INPP5A: variants seen among roughly 807,000 people sequenced by gnomAD.
INPP5A encodes the protein 43 kDa inositol polyphosphate 5-phophatase.
Under a neutral mutation model 65.2 loss-of-function variants are expected in INPP5A, and 14 were observed. That is an observed-to-expected ratio of 0.21 (90% CI 0.14 to 0.34). The LOEUF (loss-of-function observed/expected upper bound fraction) is 0.34, where lower values mean the gene tolerates loss of function less well. Ranked by LOEUF, INPP5A falls within the 10% of genes least tolerant of loss-of-function variation. The probability of loss-of-function intolerance (pLI) is 1.00; values close to 1 mark genes in which losing one functional copy is unlikely to be tolerated. For missense variants in INPP5A, 431 were observed against 545.6 expected (o/e 0.79, Z 2.09); for synonymous variants, 207 against 208.3 (o/e 0.99, Z 0.05).
rs2072575065 is a variant in INPP5A at position 132,651,413 on chromosome 10, C to T, written c.306+908C>T. Reference sequence around the variant, plus strand: ...GTCTCTGGGGAGGCCCTGGGTCCCCCGGCCTGGGTCCATCTCCCCCGTCTC... The same window carrying T: ...GTCTCTGGGGAGGCCCTGGGTCCCCTGGCCTGGGTCCATCTCCCCCGTCTC... On this transcript the variant is annotated intron_variant, in intron 4 of 15. Transcript: ENST00000368594. The surrounding 1 kb of genome is among the most constrained non-coding windows in gnomAD (Gnocchi z 5.0). Among the ~76,000 whole-genome samples, 1 of 142,804 alleles carries T rather than the reference C, an allele frequency of 7.0e-6. No homozygotes were observed. Among genetic ancestry groups the T allele is most frequent in the African/African-American group, 2.6e-5 (1 of 38,032 alleles). The allele number at this position is 142,804 out of a possible 152,430, so 93.7% of individuals were successfully genotyped here.
chr10:132,561,126 G>A lies in INPP5A; in HGVS notation c.75+22955G>A, dbSNP rs139424413. Among the ~76,000 whole-genome samples the A allele has an allele frequency of 5.9e-3, 847 of 144,072 alleles. 2 individuals carry two copies. The highest frequency in any genetic ancestry group is 0.036 in the East Asian group (164 of 4,602). 94.5% of individuals were successfully genotyped at this position (144,072 alleles called of 152,430 possible). On this transcript the variant is annotated intron_variant, in intron 1 of 15. Coordinates refer to ENST00000368594, the MANE Select transcript of INPP5A (RefSeq NM_005539.5). Reference sequence around the variant, plus strand: ...TGGAGTTCATGGAGTTCAGTGGTGTGATCGTGGTTCATTGCAACCTCGACC... The same window carrying A: ...TGGAGTTCATGGAGTTCAGTGGTGTAATCGTGGTTCATTGCAACCTCGACC...
intron 2 of INPP5A, among the ~76,000 whole-genome samples, chr10:132,624,352 C>T (rs1401165712): frequency 2.6e-5 from 4 of 152,226 alleles, no homozygotes; most frequent in Non-Finnish European, 4.4e-5. Context: ...AGTGTGAGCT[C>T]GCTGTTTTGG....
At chr10:132,590,481 G>T (rs1280433175) in intron 1 of INPP5A, among the ~76,000 whole-genome samples, 9 of 152,184 alleles carry the variant, frequency 5.9e-5, no homozygotes, top group Admixed American at 4.6e-4. Flanking sequence ...AGGAGTGTGG[G>T]GGAGACACTG....
chr10:132,707,208 C>T lies in INPP5A; in HGVS notation c.475-1105C>T, dbSNP rs1478622015. On this transcript the variant is annotated intron_variant, in intron 6 of 15. Coordinates refer to ENST00000368594, the MANE Select transcript of INPP5A (RefSeq NM_005539.5). This position sits in a 1 kb window ranked among gnomAD's most constrained non-coding sequence, Gnocchi z 5.5. ...GACAGGGTCTTCCCTGTCCTGCTTT[C>T]CTTCTCTGCCAGCCCATGAGCACCA... is the stretch of plus-strand genomic sequence containing the variant. 6.6e-6 allele frequency among the ~76,000 whole-genome samples: 1 copy of T among 152,242 alleles called. No individual in the cohort carries two copies. The highest frequency in any genetic ancestry group is 2.4e-5 in the African/African-American group (1 of 41,462).
chr10:132,727,226 G>A lies in INPP5A; in HGVS notation c.732+321G>A. 3.8e-6 allele frequency: 1 copy of A among 259,842 alleles called. No individual in the cohort carries two copies. The highest frequency in any genetic ancestry group is 1.1e-4 in the South Asian group (1 of 9,512). 16.1% of individuals were successfully genotyped at this position (259,842 alleles called of 1,614,324 possible). On this transcript the variant is annotated intron_variant, in intron 9 of 15. Coordinates refer to ENST00000368594, the MANE Select transcript of INPP5A (RefSeq NM_005539.5). The surrounding 1 kb of genome is among the most constrained non-coding windows in gnomAD (Gnocchi z 6.5). Reference sequence around the variant, plus strand: ...CAGCGCCACCCCCTCGATGCCCACAGAGCTGCAGCCTCTGCAGAGTGTCAG... The same window carrying A: ...CAGCGCCACCCCCTCGATGCCCACAAAGCTGCAGCCTCTGCAGAGTGTCAG...
chr10:132,586,223 C>T (rs1459277024), intron 1 of INPP5A, among the ~76,000 whole-genome samples: 1 of 152,206 alleles, frequency 6.6e-6, no homozygotes, highest in Non-Finnish European at 1.5e-5. Context: ...GAGAAGCAGA[C>T]TTCGGGCCTT....
At position 132,706,576 on chromosome 10, in the gene INPP5A, C is replaced by T. The variant is rs1163774868; in HGVS notation, c.475-1737C>T. ...GTGCAGGGGAAGAATGCAGTGTGTA[C>T]GGGAAGGGTTGGCTGGCTTCAGCAT... On this transcript the variant is annotated intron_variant, in intron 6 of 15. Transcript: ENST00000368594. This position sits in a 1 kb window ranked among gnomAD's most constrained non-coding sequence, Gnocchi z 4.7. Among the ~76,000 whole-genome samples the T allele has an allele frequency of 1.3e-5, 2 of 152,110 alleles. No individual in the cohort carries two copies. Among genetic ancestry groups the T allele is most frequent in the Admixed American group, 1.3e-4 (2 of 15,274 alleles).
chr10:132,651,163 C>T lies in INPP5A; in HGVS notation c.306+658C>T, dbSNP rs1190888822. 3.3e-5 allele frequency among the ~76,000 whole-genome samples: 5 copies of T among 152,148 alleles called. No individual in the cohort carries two copies. The highest frequency in any genetic ancestry group is 1.3e-4 in the Admixed American group (2 of 15,284). ...TCAGAGGAGGGGACACTCTGCAGGT[C>T]GTGAATAACTTGCTGTTGGTTCAGA... On this transcript the variant is annotated intron_variant, in intron 4 of 15. Coordinates refer to ENST00000368594, the MANE Select transcript of INPP5A (RefSeq NM_005539.5). This position sits in a 1 kb window ranked among gnomAD's most constrained non-coding sequence, Gnocchi z 5.0.
chr10:132,681,483 A>G (rs1178784414), intron 4 of INPP5A, among the ~76,000 whole-genome samples: 1 of 152,158 alleles, frequency 6.6e-6, no homozygotes, highest in Non-Finnish European at 1.5e-5. Context: ...CATCAGAAGG[A>G]ACAAACCCCG....
Position 132,726,762 on chromosome 10 carries a change from G to A in INPP5A, c.648-59G>A, listed in dbSNP as rs377554872. ...GGGAGCGTGGAGGAGCACCGGGGCC[G>A]GGCATGAGGGCTGGCCGGCTTCAGC... On this transcript the variant is annotated intron_variant, in intron 8 of 15. Transcript: ENST00000368594. The A allele has an allele frequency of 2.3e-4, 281 of 1,210,562 alleles. 6 individuals are homozygous for A. In the South Asian group the frequency reaches 2.8e-3, roughly 12 times the overall value. 75.0% of individuals were successfully genotyped at this position (1,210,562 alleles called of 1,614,324 possible).
chr10:132,680,867 C>G (rs1301232931), intron 4 of INPP5A, among the ~76,000 whole-genome samples: 1 of 152,274 alleles, frequency 6.6e-6, no homozygotes, highest in South Asian at 2.1e-4. Context: ...CAATTTCTCG[C>G]TGGGCCTTAG....
chr10:132,681,444 A>G (rs963944666), intron 4 of INPP5A, among the ~76,000 whole-genome samples: 5 of 152,122 alleles, frequency 3.3e-5, no homozygotes, highest in African/African-American at 7.2e-5. Context: ...CGAACCCACC[A>G]GAAGGAAGAA....
chr10:132,749,971 G>A (rs1432595187), intron 11 of INPP5A, 126 bp downstream of exon 11: 1 of 874,590 alleles, frequency 1.1e-6, no homozygotes, highest in Non-Finnish European at 1.9e-6. Context: ...ACTCAGTTCT[G>A]AGCCAGTGCA....
intron 9 of INPP5A, among the ~76,000 whole-genome samples, chr10:132,747,092 G>A (rs2803989): frequency 0.25 from 37,973 of 152,216 alleles, 4,880 homozygotes; most frequent in Non-Finnish European, 0.26. Flanking sequence ...AGACAGAGCC[G>A]TGAATTTCCT....
chr10:132,608,274 GT>G (rs1488421631), intron 2 of INPP5A, among the ~76,000 whole-genome samples: 3 of 152,244 alleles, frequency 2.0e-5, no homozygotes, highest in Admixed American at 6.5e-5. Context: ...AGCATCCCCA[GT>G]GGGGCCGTGG....
At chr10:132,582,607 G>A (rs970093508) in intron 1 of INPP5A, among the ~76,000 whole-genome samples, 12 of 152,224 alleles carry the variant, frequency 7.9e-5, no homozygotes, top group African/African-American at 2.9e-4. Flanking sequence ...TTTTTGTAGA[G>A]ATGGGGTCTC....
intron 1 of INPP5A, among the ~76,000 whole-genome samples, chr10:132,593,529 C>CT (rs2071645439): frequency 6.6e-6 from 1 of 152,196 alleles, no homozygotes; most frequent in Admixed American, 6.5e-5. Flanking sequence ...GGCATGTCTA[C>CT]TTTTTTGTGT....
At chr10:132,668,316 C>T (rs994696667) in intron 4 of INPP5A, among the ~76,000 whole-genome samples, 4 of 152,146 alleles carry the variant, frequency 2.6e-5, no homozygotes, top group Non-Finnish European at 4.4e-5. Flanking sequence ...TCAGTTGAGG[C>T]TTTCTGTTGG....
chr10:132,653,347 G>C lies in INPP5A; in HGVS notation c.306+2842G>C, dbSNP rs999690396. ...CGGCTGCCTCCACACCTGGCTTTCA[G>C]GGTTTTCCAGGTGGGTCCGGAGCGG... On this transcript the variant is annotated intron_variant, in intron 4 of 15. Transcript: ENST00000368594. 1.4e-4 allele frequency among the ~76,000 whole-genome samples: 22 copies of C among 152,268 alleles called. No individual in the cohort carries two copies. The East Asian group carries it at 4.1e-3, about 28-fold the overall frequency.
Sources: allele counts gnomAD v4.1 joint callset (sites outside exome capture counted in the v4.1 genomes callset), GRCh38; gene constraint gnomAD v4.1.1; non-coding constraint Gnocchi (gnomAD v3.1); transcripts MANE v1.5; gene names NCBI Gene and HGNC (gene_info 2026-07-23, HGNC 2026-07-21).